PTGER4: variants seen among roughly 807,000 people sequenced by gnomAD.
The protein encoded by PTGER4 is prostaglandin E receptor 4, also known as prostaglandin E2 receptor EP4 subtype.
PTGER4 carries 11 observed loss-of-function variants against 33.2 expected under a neutral mutation model. The ratio of observed to expected loss-of-function variants is 0.33; its 90% CI spans 0.21 to 0.55. The LOEUF (loss-of-function observed/expected upper bound fraction) is 0.55, where lower values mean the gene tolerates loss of function less well. Among genes scored for constraint, PTGER4 ranks in the 20% least tolerant of loss-of-function variants. The pLI is 0.92. For synonymous variants in PTGER4, 275 were observed against 281.5 expected (o/e 0.98, Z 0.23); for missense variants, 481 against 650.2 (o/e 0.74, Z 2.83).
chr5:40,703,828 G>A, the PTGER4 span, among the ~76,000 whole-genome samples: 37 of 139,514 alleles, frequency 2.7e-4, no homozygotes, highest in Middle Eastern at 4.1e-3. Flanking sequence ...GCTTGAACCC[G>A]GGAAGCGGAG....
downstream of PTGER4, chr5:40,693,777 T>C: frequency 2.2e-6 from 2 of 916,026 alleles, no homozygotes; most frequent in Non-Finnish European, 1.3e-6. Context: ...TTGTGGGGGC[T>C]TTTTTGTTGT....
chr5:40,702,435 T>C, the PTGER4 span, among the ~76,000 whole-genome samples: 1 of 152,110 alleles, frequency 6.6e-6, no homozygotes, highest in African/African-American at 2.4e-5. Flanking sequence ...ACCTTAATGG[T>C]AAAGGGTTCA....
the PTGER4 span, among the ~76,000 whole-genome samples, chr5:40,722,876 C>T: frequency 6.6e-3 from 1,007 of 151,974 alleles, 11 homozygotes; most frequent in African/African-American, 0.023. Flanking sequence ...CGCCTCCGCC[C>T]GGCTGCCCCA....
At chr5:40,734,594 C>T in the PTGER4 span, among the ~76,000 whole-genome samples, 1 of 152,130 alleles carries the variant, frequency 6.6e-6, no homozygotes. Flanking sequence ...ACTCATTTAC[C>T]AAATAGAAAT....
the PTGER4 span, among the ~76,000 whole-genome samples, chr5:40,726,567 CA>C: frequency 6.7e-6 from 1 of 149,018 alleles, no homozygotes; most frequent in East Asian, 2.0e-4. Context: ...AAAATACTTT[CA>C]ATTCTTCTAA....
the PTGER4 span, chr5:40,728,281 C>CAA: frequency 4.1e-4 from 130 of 317,868 alleles, 2 homozygotes; most frequent in East Asian, 8.6e-3. Flanking sequence ...GACTCCATCT[C>CAA]AAAAAAAAAA....
the PTGER4 span, among the ~76,000 whole-genome samples, chr5:40,735,671 G>C: frequency 6.6e-6 from 1 of 152,182 alleles, no homozygotes; most frequent in Non-Finnish European, 1.5e-5. Flanking sequence ...AGAGCAAAAG[G>C]AAAGGAGCAA....
chr5:40,700,193 G>T, the PTGER4 span, among the ~76,000 whole-genome samples: 1 of 152,200 alleles, frequency 6.6e-6, no homozygotes, highest in East Asian at 1.9e-4. Flanking sequence ...CCTTATAATT[G>T]CATCAAAAAT....
At chr5:40,706,356 C>A in the PTGER4 span, among the ~76,000 whole-genome samples, 1 of 151,926 alleles carries the variant, frequency 6.6e-6, no homozygotes, top group African/African-American at 2.4e-5. Flanking sequence ...GGGAGAAGAG[C>A]AGAAAAGATA....
chr5:40,727,420 G>A, the PTGER4 span, among the ~76,000 whole-genome samples: 1 of 152,192 alleles, frequency 6.6e-6, no homozygotes, highest in South Asian at 2.1e-4. Context: ...CAGGACAGCT[G>A]TCACAGCTAA....
At chr5:40,717,065 C>A in the PTGER4 span, among the ~76,000 whole-genome samples, 119 of 151,962 alleles carry the variant, frequency 7.8e-4, no homozygotes, top group African/African-American at 2.8e-3. Context: ...CCTGTCTCTA[C>A]TAAAAATACA....
chr5:40,707,322 A>T, the PTGER4 span, among the ~76,000 whole-genome samples: 9 of 152,212 alleles, frequency 5.9e-5, no homozygotes, highest in Non-Finnish European at 8.8e-5. Context: ...CTCAAAATAA[A>T]GGGACGGAGG....
chr5:40,685,818 A>G (rs1741309621), intron 2 of PTGER4, among the ~76,000 whole-genome samples: 1 of 152,132 alleles, frequency 6.6e-6, no homozygotes, highest in African/African-American at 2.4e-5. Flanking sequence ...TCATTTCACC[A>G]TGCTTTCTTG....
chr5:40,703,801 G>A, the PTGER4 span, among the ~76,000 whole-genome samples: 8 of 150,994 alleles, frequency 5.3e-5, no homozygotes, highest in Non-Finnish European at 1.0e-4. Flanking sequence ...TACTCAGGGG[G>A]CTGAGGCAGG....
chr5:40,742,758 G>A, the PTGER4 span, among the ~76,000 whole-genome samples: 1 of 152,172 alleles, frequency 6.6e-6, no homozygotes, highest in African/African-American at 2.4e-5. Flanking sequence ...TTCGGGAGGA[G>A]GGTGAGAAAA....
rs1207919281 is a variant in PTGER4, at chr5:40,680,900, A to T, written c.-43-51A>T. On this transcript the variant is annotated intron_variant, in intron 1 of 2. Coordinates refer to ENST00000302472, the MANE Select transcript of PTGER4 (RefSeq NM_000958.3). The surrounding 1 kb of genome is among the most constrained non-coding windows in gnomAD (Gnocchi z 5.5). ...CTCGGGCGCGGGTCTAACACCTTACAAGTGGTAATTTCCGCTCACGGCAGC... is the reference window on the plus strand; with the variant it reads ...CTCGGGCGCGGGTCTAACACCTTACTAGTGGTAATTTCCGCTCACGGCAGC... The T allele has an allele frequency of 3.1e-5, 46 of 1,472,202 alleles. No homozygotes were observed. In the Admixed American group the frequency reaches 9.4e-4, roughly 30 times the overall value. 91.2% of individuals were successfully genotyped at this position (1,472,202 alleles called of 1,614,324 possible).
At chr5:40,689,286 G>T (rs573016958) in intron 2 of PTGER4, among the ~76,000 whole-genome samples, 9 of 152,290 alleles carry the variant, frequency 5.9e-5, no homozygotes, top group African/African-American at 2.2e-4. Flanking sequence ...TTTGAGAGAG[G>T]ATCAGAGACC....
chr5:40,703,642 C>T, the PTGER4 span, among the ~76,000 whole-genome samples: 4 of 152,056 alleles, frequency 2.6e-5, no homozygotes, highest in African/African-American at 7.2e-5. Context: ...GTGTGGCTCA[C>T]GCCTGTAATC....
At chr5:40,700,183 C>A in the PTGER4 span, among the ~76,000 whole-genome samples, 1 of 152,174 alleles carries the variant, frequency 6.6e-6, no homozygotes, top group East Asian at 1.9e-4. Flanking sequence ...TTAAAAGACT[C>A]CTTATAATTG....
Sources: gnomAD v4.1 joint callset for allele counts (sites outside exome capture counted in the v4.1 genomes callset) on GRCh38, gnomAD v4.1.1 for gene constraint, Gnocchi (gnomAD v3.1) non-coding constraint, MANE v1.5 for transcripts, NCBI Gene and HGNC (gene_info 2026-07-23, HGNC 2026-07-21) for gene names.